LARGE1: variants seen among roughly 807,000 people sequenced by gnomAD.
LARGE1 encodes the protein xylosyl- and glucuronyltransferase LARGE1.
In LARGE1, 43 loss-of-function variants were observed where a neutral mutation model predicts 87.6. The ratio of observed to expected loss-of-function variants is 0.49; its 90% CI spans 0.38 to 0.63. The LOEUF (loss-of-function observed/expected upper bound fraction) is 0.63, where lower values mean the gene tolerates loss of function less well. Ranked by LOEUF, LARGE1 falls within the 30% of genes least tolerant of loss-of-function variation. LARGE1 has a pLI of 0.00. For missense variants in LARGE1, 802 were observed against 1,000.2 expected (o/e 0.80, Z 2.67); for synonymous variants, 434 against 394.6 (o/e 1.10, Z -1.18).
chr22:33,709,628 C>CT (rs1361106062), intron 2 of LARGE1, among the ~76,000 whole-genome samples: 19,168 of 139,144 alleles, frequency 0.14, 2,065 homozygotes, highest in African/African-American at 0.29. Context: ...TTCTTTAATT[C>CT]TTTTTTTTTT....
intron 2 of LARGE1, among the ~76,000 whole-genome samples, chr22:33,651,305 T>C (rs1394437966): frequency 7.8e-6 from 1 of 128,686 alleles, no homozygotes; most frequent in East Asian, 2.3e-4. Context: ...GGCAGGATAA[T>C]GGCAAGAACC....
intron 4 of LARGE1, among the ~76,000 whole-genome samples, chr22:33,606,207 C>T (rs184020467): frequency 1.3e-5 from 2 of 152,112 alleles, no homozygotes; most frequent in East Asian, 3.9e-4. Context: ...AGATCGAGAC[C>T]ATCCTGGGTA....
chr22:33,377,850 T>C (rs969716972), intron 9 of LARGE1, among the ~76,000 whole-genome samples: 1 of 152,210 alleles, frequency 6.6e-6, no homozygotes, highest in Non-Finnish European at 1.5e-5. Context: ...GTTTAACATA[T>C]CCATTTAATT....
intron 6 of LARGE1, among the ~76,000 whole-genome samples, chr22:33,449,867 A>G (rs953115695): frequency 4.6e-5 from 7 of 152,082 alleles, no homozygotes; most frequent in Non-Finnish European, 8.8e-5. Context: ...TCATGTTTAT[A>G]AACAGTCTGC....
chr22:33,590,832 A>G (rs1263158663), intron 5 of LARGE1, among the ~76,000 whole-genome samples: 1 of 152,210 alleles, frequency 6.6e-6, no homozygotes, highest in Non-Finnish European at 1.5e-5. Flanking sequence ...TCCAGTGGAC[A>G]TAGGTTTTAT....
intron 1 of LARGE1, among the ~76,000 whole-genome samples, chr22:33,766,849 GAA>G (rs1296044599): frequency 7.3e-6 from 1 of 137,612 alleles, no homozygotes; most frequent in Non-Finnish European, 1.6e-5. Context: ...ACCTATATAA[GAA>G]AAAAAGGCTT....
At chr22:33,112,431 T>A in the LARGE1 span, among the ~76,000 whole-genome samples, 3 of 152,240 alleles carry the variant, frequency 2.0e-5, no homozygotes, top group African/African-American at 7.2e-5. Context: ...TAGCACAGCA[T>A]CTGCCACATC....
chr22:33,788,933 A>T (rs553561549), intron 1 of LARGE1, among the ~76,000 whole-genome samples: 3 of 152,362 alleles, frequency 2.0e-5, no homozygotes, highest in African/African-American at 7.2e-5. Flanking sequence ...CTGCAGCCTG[A>T]TAATGCAATA....
intron 1 of LARGE1, among the ~76,000 whole-genome samples, chr22:33,835,358 A>C (rs1480187370): frequency 6.6e-6 from 1 of 152,212 alleles, no homozygotes; most frequent in African/African-American, 2.4e-5. Flanking sequence ...GCACTGTCTC[A>C]GCAGGGATTA....
chr22:33,114,561 T>G, the LARGE1 span, among the ~76,000 whole-genome samples: 1 of 152,234 alleles, frequency 6.6e-6, no homozygotes, highest in Non-Finnish European at 1.5e-5. Flanking sequence ...CTAAAAAAAC[T>G]CATCATCCAG....
chr22:33,237,007 G>C (rs778174818), intron 11 of LARGE1, among the ~76,000 whole-genome samples: 4 of 152,212 alleles, frequency 2.6e-5, no homozygotes, highest in Non-Finnish European at 4.4e-5. Context: ...ACAAATATAA[G>C]AGAGTAGAGA....
chr22:33,767,300 C>T (rs981665110), intron 1 of LARGE1, among the ~76,000 whole-genome samples: 8 of 151,594 alleles, frequency 5.3e-5, no homozygotes, highest in Admixed American at 2.0e-4. Context: ...CCAGCCTGGG[C>T]GACAGAGCAA....
intron 7 of LARGE1, among the ~76,000 whole-genome samples, chr22:33,386,934 TCTA>T (rs751764342): frequency 1.4e-4 from 20 of 147,458 alleles, no homozygotes; most frequent in South Asian, 4.9e-4. Context: ...AAACCCCGTC[TCTA>T]CTAAAAATAC....
In LARGE1 at chr22:33,384,242, T is replaced by G; in HGVS notation, c.955A>C (p.Thr319Pro). The G allele has an allele frequency of 6.2e-7, 1 of 1,614,192 alleles. No individual in the cohort carries two copies. Among genetic ancestry groups the G allele is most frequent in the Non-Finnish European group, 8.5e-7 (1 of 1,180,030 alleles). Residue 319 changes from threonine (T) to proline (P), a missense_variant, in exon 8 of 15, where the codon ACC (threonine) becomes CCC (proline). Physicochemically the swap from Thr to Pro is conservative, Grantham distance 38 (BLOSUM62 -1). Around this residue, in one of 2 missense-constraint regions of LARGE1, gnomAD observed 625 missense variants for 841.9 expected, o/e 0.74. Transcript: ENST00000397394. The part of the protein sequence containing the change: ...KMKWEQMWRL[T>P]AERELMGMLS... The stretch of plus-strand genomic sequence containing the variant: ...ATGCCCATGAGCTCCCTCTCTGCGG[T>G]CAGCCTCCACATCTGCTCCCATTTC...
At chr22:33,079,021 C>T in the LARGE1 span, among the ~76,000 whole-genome samples, 1 of 152,264 alleles carries the variant, frequency 6.6e-6, no homozygotes, top group Admixed American at 6.5e-5. Context: ...AGCTGGATGG[C>T]CTGGGCTTGA....
In LARGE1 at chr22:33,366,659, G is replaced by A. The variant is rs779283941; in HGVS notation, c.1131+15260C>T. Among the ~76,000 whole-genome samples the A allele has an allele frequency of 5.3e-5, 8 of 152,120 alleles. No homozygotes were observed. The South Asian group carries it at 8.3e-4, about 16-fold the overall frequency. The stretch of plus-strand genomic sequence containing the variant: ...CTTGCAATCTTCCTGTCTTTGTGAC[G>A]TGACTTTGCTTCTCTTTCGTCTTCC... On this transcript the variant is annotated intron_variant, in intron 9 of 14. Transcript: ENST00000397394.
chr22:33,157,565 A>G (rs989230303), downstream of LARGE1, among the ~76,000 whole-genome samples: 2 of 152,156 alleles, frequency 1.3e-5, no homozygotes, highest in African/African-American at 2.4e-5. Context: ...ACCACTGCTC[A>G]TTGTCTTACC....
At chr22:33,782,339 G>A (rs957824209) in intron 1 of LARGE1, among the ~76,000 whole-genome samples, 5 of 152,152 alleles carry the variant, frequency 3.3e-5, no homozygotes, top group Admixed American at 1.3e-4. Context: ...AATAAGAGGA[G>A]AGTGGCAGTG....
chr22:33,215,060 G>A (rs368777166), intron 11 of LARGE1, among the ~76,000 whole-genome samples: 6 of 152,168 alleles, frequency 3.9e-5, no homozygotes, highest in South Asian at 2.1e-4. Flanking sequence ...ACTTTCAGGG[G>A]CATTCTTCCA....
Sources: gnomAD v4.1 joint callset for allele counts (sites outside exome capture counted in the v4.1 genomes callset) on GRCh38, gnomAD v4.1.1 for gene constraint, gnomAD v4.1.1 regional missense constraint, MANE v1.5 for transcripts, NCBI Gene and HGNC (gene_info 2026-07-23, HGNC 2026-07-21) for gene names.